The following MBD5 variants were observed in gnomAD, a reference collection of about 807,000 sequenced individuals.
MBD5 encodes methyl-CpG-binding domain protein 5.
Under a neutral mutation model 117.3 loss-of-function variants are expected in MBD5, and 13 were observed. The observed-to-expected ratio is 0.11, with a 90% CI of 0.07 to 0.18. The LOEUF (loss-of-function observed/expected upper bound fraction) is 0.18. Among genes scored for constraint, MBD5 ranks in the 10% least tolerant of loss-of-function variants. The pLI, the probability that MBD5 is intolerant of heterozygous loss-of-function variation, is 1.00. For synonymous variants in MBD5, 727 were observed against 766.4 expected, an observed-to-expected ratio of 0.95 and a Z score of 0.85; for missense variants, 1,879 against 2,093.8, an observed-to-expected ratio of 0.90 and a Z score of 2.00.
intron 1 of MBD5, among the ~76,000 whole-genome samples, chr2:148,051,838 C>T (rs1694712675): frequency 6.6e-6 from 1 of 151,702 alleles, no homozygotes; most frequent in Admixed American, 6.6e-5. Context: ...ATTTCTTTGG[C>T]TTTTGTGTCA....
At chr2:148,301,099 C>T (rs911848492) in intron 3 of MBD5, among the ~76,000 whole-genome samples, 25 of 152,290 alleles carry the variant, frequency 1.6e-4, no homozygotes, top group African/African-American at 5.3e-4. Context: ...CACCTCTGTG[C>T]CCCTAAAGCA....
intron 1 of MBD5, among the ~76,000 whole-genome samples, chr2:148,144,791 T>G (rs983615094): frequency 2.0e-5 from 3 of 152,230 alleles, no homozygotes; most frequent in Non-Finnish European, 2.9e-5. Context: ...GGCTCTATTC[T>G]GTTCCATTGT....
chr2:148,366,878 T>C (rs1703718449), intron 4 of MBD5, among the ~76,000 whole-genome samples: 1 of 152,126 alleles, frequency 6.6e-6, no homozygotes. Flanking sequence ...GAAGAATCAG[T>C]ATTGTGAAAA....
intron 4 of MBD5, among the ~76,000 whole-genome samples, chr2:148,383,898 C>T (rs1258324159): frequency 6.6e-6 from 1 of 152,094 alleles, no homozygotes; most frequent in Admixed American, 6.6e-5. Flanking sequence ...AGGCCTTTGA[C>T]AAAATTCAAC....
intron 13 of MBD5, among the ~76,000 whole-genome samples, chr2:148,510,605 T>C (rs1168467826): frequency 2.0e-5 from 3 of 152,274 alleles, no homozygotes; most frequent in Non-Finnish European, 4.4e-5. Context: ...TTAATCGTTA[T>C]GCTCCAGTTC....
intron 12 of MBD5, among the ~76,000 whole-genome samples, chr2:148,506,801 T>G (rs1682046629): frequency 6.6e-6 from 1 of 152,214 alleles, no homozygotes; most frequent in Admixed American, 6.5e-5. Context: ...ATGTTTATTA[T>G]TAAATGTCAG....
intron 3 of MBD5, among the ~76,000 whole-genome samples, chr2:148,234,190 T>A (rs984882400): frequency 2.0e-5 from 3 of 152,162 alleles, no homozygotes; most frequent in African/African-American, 7.2e-5. Context: ...ATATACACTT[T>A]TAAAATTTTA....
chr2:148,152,933 A>G (rs1325297292), intron 1 of MBD5, among the ~76,000 whole-genome samples: 4 of 151,620 alleles, frequency 2.6e-5, no homozygotes, highest in Admixed American at 2.6e-4. Context: ...CATTTAGTCC[A>G]TTTACATTTA....
intron 3 of MBD5, among the ~76,000 whole-genome samples, chr2:148,277,121 A>C (rs2106365956): frequency 6.6e-6 from 1 of 152,250 alleles, no homozygotes; most frequent in South Asian, 2.1e-4. Context: ...TTGAGAATGC[A>C]AAGTTTGCAA....
At chr2:148,403,265 C>T (rs942724145) in intron 4 of MBD5, among the ~76,000 whole-genome samples, 1 of 151,886 alleles carries the variant, frequency 6.6e-6, no homozygotes, top group Non-Finnish European at 1.5e-5. Context: ...CTGCAACCTC[C>T]ACCCCCCAGG....
intron 1 of MBD5, among the ~76,000 whole-genome samples, chr2:148,105,768 C>T (rs893682521): frequency 4.6e-5 from 7 of 151,604 alleles, no homozygotes; most frequent in African/African-American, 1.5e-4. Context: ...TTCAATTCTC[C>T]GATTAGTAAC....
chr2:148,038,664 AAG>A (rs1441791326), intron 1 of MBD5, among the ~76,000 whole-genome samples: 1 of 151,912 alleles, frequency 6.6e-6, no homozygotes, highest in Non-Finnish European at 1.5e-5. Flanking sequence ...CTGATAATAA[AAG>A]AGTTTATAAT....
chr2:148,342,694 G>GCTTA (rs1372569160), intron 4 of MBD5, among the ~76,000 whole-genome samples: 1 of 151,794 alleles, frequency 6.6e-6, no homozygotes, highest in Non-Finnish European at 1.5e-5. Flanking sequence ...ACACCATAGG[G>GCTTA]CTTAAATGGT....
chr2:148,509,768 G>A (rs1682160234), intron 12 of MBD5, among the ~76,000 whole-genome samples: 1 of 152,332 alleles, frequency 6.6e-6, no homozygotes, highest in African/African-American at 2.4e-5. Context: ...GGAACCCGTG[G>A]CCCAACTTTC....
At chr2:148,128,850 A>G (rs1258479847) in intron 1 of MBD5, among the ~76,000 whole-genome samples, 2 of 152,172 alleles carry the variant, frequency 1.3e-5, no homozygotes, top group African/African-American at 4.8e-5. Context: ...AAAGTACTGG[A>G]TTTCATGTGC....
intron 1 of MBD5, among the ~76,000 whole-genome samples, chr2:148,039,834 G>A (rs1428384392): frequency 4.3e-5 from 6 of 137,946 alleles, no homozygotes; most frequent in East Asian, 2.4e-4. Context: ...AAGGGTACTG[G>A]CCAGTCAGTT....
At chr2:148,258,583 C>T (rs1389269390) in intron 3 of MBD5, among the ~76,000 whole-genome samples, 3 of 152,168 alleles carry the variant, frequency 2.0e-5, no homozygotes, top group Non-Finnish European at 4.4e-5. Flanking sequence ...ACATGTCCTC[C>T]TGGCTACAGC....
intron 3 of MBD5, among the ~76,000 whole-genome samples, chr2:148,315,808 G>A (rs761893518): frequency 6.6e-6 from 1 of 152,050 alleles, no homozygotes; most frequent in Non-Finnish European, 1.5e-5. Context: ...TCCCTACTTG[G>A]AGTATCTTCC....
At chr2:148,326,380 C>T (rs1479591965) in intron 3 of MBD5, among the ~76,000 whole-genome samples, 1 of 152,050 alleles carries the variant, frequency 6.6e-6, no homozygotes, top group East Asian at 1.9e-4. Flanking sequence ...TGTTCAATTC[C>T]TGGGTATCCT....
Sources: allele counts gnomAD v4.1 joint callset (sites outside exome capture counted in the v4.1 genomes callset), GRCh38; gene constraint gnomAD v4.1.1; transcripts MANE v1.5; gene names NCBI Gene and HGNC (gene_info 2026-07-23, HGNC 2026-07-21).